CDH4: variants seen among roughly 807,000 people sequenced by gnomAD.
CDH4 encodes cadherin 4.
Under a neutral mutation model 86.0 loss-of-function variants are expected in CDH4, and 33 were observed. That is an observed-to-expected ratio of 0.38 (90% confidence interval 0.29 to 0.51). CDH4 has a LOEUF of 0.51. Ranked by LOEUF, CDH4 falls within the 20% of genes least tolerant of loss-of-function variation. The pLI, the probability that CDH4 is intolerant of heterozygous loss-of-function variation, is 0.86. For synonymous variants in CDH4, 555 were observed against 549.4 expected (o/e 1.01, Z -0.14); for missense variants, 1,114 against 1,307.4 (o/e 0.85, Z 2.28).
chr20:61,300,041 C>T (rs1452124409), intron 2 of CDH4, among the ~76,000 whole-genome samples: 1 of 152,106 alleles, frequency 6.6e-6, no homozygotes, highest in African/African-American at 2.4e-5. Flanking sequence ...TGTATTTCTT[C>T]ATCCAACAAA....
At chr20:61,293,114 G>A (rs1004283213) in intron 2 of CDH4, among the ~76,000 whole-genome samples, 3 of 152,226 alleles carry the variant, frequency 2.0e-5, no homozygotes, top group Non-Finnish European at 4.4e-5. Flanking sequence ...GGATGGTGGG[G>A]ACCTAGGAGG....
At position 61,656,432 on chromosome 20, in the gene CDH4, G is replaced by T. The variant is rs181345116; in HGVS notation, c.170-87131G>T. ...TGTATGCTGAGGTGGGCAGGTGCAT[G>T]CTGGGGTGGAAAGGTTTGTGATTGG... On this transcript the variant is annotated intron_variant, in intron 2 of 15. Coordinates refer to ENST00000614565, the MANE Select transcript of CDH4 (RefSeq NM_001794.5). Among the ~76,000 whole-genome samples the T allele has an allele frequency of 1.4e-4, 22 of 152,246 alleles. No individual in the cohort carries two copies. In the East Asian group the frequency reaches 3.1e-3, roughly 21 times the overall value.
chr20:61,460,789 C>G (rs994681007), intron 2 of CDH4, among the ~76,000 whole-genome samples: 1 of 152,206 alleles, frequency 6.6e-6, no homozygotes, highest in Non-Finnish European at 1.5e-5. Context: ...CAGCAGGCCT[C>G]TCGAGAGCTG....
chr20:61,373,858 CAT>C lies in CDH4; in HGVS notation c.169+118924_169+118925del, dbSNP rs1446838094. Among the ~76,000 whole-genome samples, 8 of 152,166 alleles carry C rather than the reference CAT, an allele frequency of 5.3e-5. No homozygotes were observed. In the South Asian group the frequency reaches 8.3e-4, roughly 16 times the overall value. ...ATGCACAGCAGCTTGAAGAAGTAGACATATGTGGGTGACTGTATAAACTCTGA... is the reference window on the plus strand; with the variant it reads ...ATGCACAGCAGCTTGAAGAAGTAGACATGTGGGTGACTGTATAAACTCTGA... On this transcript the variant is annotated intron_variant, in intron 2 of 15. Transcript: ENST00000614565.
In CDH4 at chr20:61,501,773, C is replaced by T. The variant is rs768530131; in HGVS notation, c.170-241790C>T. Among the ~76,000 whole-genome samples the T allele has an allele frequency of 2.0e-5, 3 of 152,158 alleles. No individual in the cohort carries two copies. The highest frequency in any genetic ancestry group is 1.3e-4 in the Admixed American group (2 of 15,282). ...CGTTAGGGAGCCACTCATTATGGGA[C>T]GGACCACCAGACGCGACTAATGAAA... On this transcript the variant is annotated intron_variant, in intron 2 of 15. Transcript: ENST00000614565. The surrounding 1 kb of genome is among the most constrained non-coding windows in gnomAD (Gnocchi z 4.2).
At chr20:61,423,944 C>T (rs968340066) in intron 2 of CDH4, among the ~76,000 whole-genome samples, 1 of 149,138 alleles carries the variant, frequency 6.7e-6, no homozygotes, top group African/African-American at 2.4e-5. Flanking sequence ...CTCCTGTACA[C>T]AGGCACATGC....
chr20:61,789,277 G>C (rs1034849405), intron 4 of CDH4, among the ~76,000 whole-genome samples: 2 of 152,162 alleles, frequency 1.3e-5, no homozygotes, highest in African/African-American at 4.8e-5. Context: ...TTCGGCTTTT[G>C]GGCTTCTGAG....
At chr20:61,933,669 G>A (rs1481735987) in intron 14 of CDH4, among the ~76,000 whole-genome samples, 1 of 146,500 alleles carries the variant, frequency 6.8e-6, no homozygotes. Context: ...CCCAGCTCCT[G>A]GCCACCTTCC....
intron 2 of CDH4, among the ~76,000 whole-genome samples, chr20:61,579,484 G>A (rs564462071): frequency 1.0e-3 from 156 of 151,946 alleles, no homozygotes; most frequent in African/African-American, 3.6e-3. Context: ...GCAGGGTTTC[G>A]CCATGTTGGC....
chr20:61,652,938 A>ATTTTTTTTTTTTTTAT (rs2087138853), intron 2 of CDH4, among the ~76,000 whole-genome samples: 1 of 97,440 alleles, frequency 1.0e-5, no homozygotes, highest in East Asian at 2.4e-4. Flanking sequence ...TTATTTATTT[A>ATTTTTTTTTTTTTTAT]TTTTTTTTTT....
At chr20:61,774,696 C>T (rs1037463406) in intron 4 of CDH4, among the ~76,000 whole-genome samples, 1 of 152,108 alleles carries the variant, frequency 6.6e-6, no homozygotes, top group Non-Finnish European at 1.5e-5. Context: ...CTCCCACAGG[C>T]CCCAGTGTGG....
At chr20:61,737,737 C>G (rs945448347) in intron 2 of CDH4, among the ~76,000 whole-genome samples, 1 of 152,192 alleles carries the variant, frequency 6.6e-6, no homozygotes, top group African/African-American at 2.4e-5. Flanking sequence ...CGACATCCAC[C>G]CAGTGCCTGC....
intron 2 of CDH4, among the ~76,000 whole-genome samples, chr20:61,641,706 A>G (rs1348704886): frequency 8.6e-5 from 3 of 34,764 alleles, no homozygotes; most frequent in African/African-American, 3.1e-4. Context: ...GCACCACAGC[A>G]CCCAGGACAC....
intron 2 of CDH4, among the ~76,000 whole-genome samples, chr20:61,674,036 T>C (rs1274626534): frequency 1.3e-5 from 2 of 152,158 alleles, no homozygotes; most frequent in Admixed American, 1.3e-4. Flanking sequence ...ACAAACCTGT[T>C]TTTCACATGA....
At chr20:61,934,256 G>A (rs755174467) in intron 15 of CDH4, 36 bp downstream of exon 15, 3 of 1,501,350 alleles carry the variant, frequency 2.0e-6, no homozygotes, top group Non-Finnish European at 1.8e-6. Flanking sequence ...CCCGGGCAAG[G>A]TGTCTCCTCT....
chr20:61,854,089 C>T (rs1339509697), intron 6 of CDH4, among the ~76,000 whole-genome samples: 2 of 152,174 alleles, frequency 1.3e-5, no homozygotes, highest in Non-Finnish European at 2.9e-5. Flanking sequence ...GCAACCACAC[C>T]CCTGGCCAGT....
chr20:61,761,107 C>A (rs188675567), intron 3 of CDH4, among the ~76,000 whole-genome samples: 80 of 152,142 alleles, frequency 5.3e-4, no homozygotes, highest in African/African-American at 1.9e-3. Context: ...AAAGGTACAC[C>A]GAAAAGGAAA....
intron 2 of CDH4, among the ~76,000 whole-genome samples, chr20:61,406,187 A>G (rs1279470798): frequency 2.6e-5 from 4 of 152,126 alleles, no homozygotes; most frequent in Non-Finnish European, 5.9e-5. Context: ...CGTCTGGTAC[A>G]CCAATACCTG....
At position 61,393,565 on chromosome 20, in the gene CDH4, C is replaced by T. The variant is rs937122557; in HGVS notation, c.169+138628C>T. 2.0e-5 allele frequency among the ~76,000 whole-genome samples: 3 copies of T among 152,162 alleles called. No individual in the cohort carries two copies. The highest frequency in any genetic ancestry group is 6.5e-5 in the Admixed American group (1 of 15,290). ...GCAGGATCCTCACGTAGCCCACATT[C>T]GCCACAGCCACTTGGCTGAACCCTA... is the stretch of plus-strand genomic sequence containing the variant. On this transcript the variant is annotated intron_variant, in intron 2 of 15. Coordinates refer to ENST00000614565, the MANE Select transcript of CDH4 (RefSeq NM_001794.5). This position sits in a 1 kb window ranked among gnomAD's most constrained non-coding sequence, Gnocchi z 4.3.
Sources: gnomAD v4.1 joint callset for allele counts (sites outside exome capture counted in the v4.1 genomes callset) on GRCh38, gnomAD v4.1.1 for gene constraint, Gnocchi (gnomAD v3.1) non-coding constraint, MANE v1.5 for transcripts, NCBI Gene and HGNC (gene_info 2026-07-23, HGNC 2026-07-21) for gene names.